IQGAP2: variants seen among roughly 807,000 people sequenced by gnomAD.
IQGAP2 encodes ras GTPase-activating-like protein IQGAP2.
A neutral mutation model predicts 201.3 loss-of-function variants in IQGAP2; 173 were observed. The ratio of observed to expected loss-of-function variants is 0.86; its 90% CI spans 0.76 to 0.98. The LOEUF is 0.98. IQGAP2 is among the 50% of genes least tolerant of loss of function. The pLI is 0.00. For synonymous variants in IQGAP2, 675 were observed against 673.9 expected (o/e 1.00, Z -0.03); for missense variants, 1,687 against 1,864.8 (o/e 0.90, Z 1.76).
intron 13 of IQGAP2, among the ~76,000 whole-genome samples, chr5:76,614,101 G>A (rs6859991): frequency 0.036 from 5,516 of 152,270 alleles, 186 homozygotes; most frequent in East Asian, 0.099. Flanking sequence ...CAGCCACATG[G>A]GGGTTTGTCT....
At chr5:76,511,754 C>T (rs1450337643) in intron 2 of IQGAP2, among the ~76,000 whole-genome samples, 1 of 151,434 alleles carries the variant, frequency 6.6e-6, no homozygotes, top group Non-Finnish European at 1.5e-5. Flanking sequence ...GATCTCGGCT[C>T]ACTGCAAGCT....
Position 76,553,139 on chromosome 5 carries a change from T to C in IQGAP2, c.147-9257T>C, listed in dbSNP as rs541789421. Among the ~76,000 whole-genome samples the C allele has an allele frequency of 1.5e-3, 221 of 152,332 alleles. 1 individual carries two copies. Among genetic ancestry groups the C allele is most frequent in the African/African-American group, 3.9e-3 (162 of 41,564 alleles). On this transcript the variant is annotated intron_variant, in intron 2 of 35. Coordinates refer to ENST00000274364, the MANE Select transcript of IQGAP2 (RefSeq NM_006633.5). ...ATGGAATCATGGTGGCAGTTTTGCA[T>C]TGGCCTCCAGCTAATGAAAAGTTTT...
intron 20 of IQGAP2, among the ~76,000 whole-genome samples, chr5:76,655,638 G>A (rs995940905): frequency 5.9e-5 from 9 of 152,142 alleles, no homozygotes; most frequent in South Asian, 4.2e-4. Flanking sequence ...CAGTACAGCC[G>A]GGGTTTCACC....
intron 33 of IQGAP2, chr5:76,699,290 C>A (rs1561607754): frequency 6.6e-6 from 1 of 152,186 alleles, no homozygotes; most frequent in Non-Finnish European, 1.5e-5. Context: ...CCCCAAATGT[C>A]AGAATTTCTT....
At chr5:76,466,448 T>TTTC (rs1754785531) in intron 2 of IQGAP2, among the ~76,000 whole-genome samples, 1 of 152,238 alleles carries the variant, frequency 6.6e-6, no homozygotes, top group Admixed American at 6.5e-5. Flanking sequence ...TTTCAAAACG[T>TTTC]ACTTACAAAG....
chr5:76,487,753 T>A (rs557035401), intron 2 of IQGAP2, among the ~76,000 whole-genome samples: 1 of 152,286 alleles, frequency 6.6e-6, no homozygotes, highest in Non-Finnish European at 1.5e-5. Flanking sequence ...AGACACTGCA[T>A]CTGTCTGTTC....
chr5:76,409,036 G>A (rs1000840143), intron 1 of IQGAP2, among the ~76,000 whole-genome samples: 7 of 151,826 alleles, frequency 4.6e-5, no homozygotes, highest in South Asian at 4.2e-4. Flanking sequence ...CAAGTGATCC[G>A]CCCGGCTCAG....
chr5:76,512,265 A>G (rs990730839), intron 2 of IQGAP2, among the ~76,000 whole-genome samples: 13 of 152,358 alleles, frequency 8.5e-5, no homozygotes, highest in African/African-American at 3.1e-4. Flanking sequence ...TTACTTGGGC[A>G]TCCAAAAACA....
intron 11 of IQGAP2, among the ~76,000 whole-genome samples, chr5:76,603,719 A>G (rs1056851978): frequency 5.3e-5 from 8 of 152,148 alleles, no homozygotes; most frequent in African/African-American, 1.4e-4. Flanking sequence ...CATGTTTTAC[A>G]TGTAGTAAGT....
At chr5:76,600,678 C>A in intron 10 of IQGAP2, 134 bp from the exon 11 acceptor site, 1 of 989,578 alleles carries the variant, frequency 1.0e-6, no homozygotes, top group Non-Finnish European at 1.5e-6. Context: ...AGCAGGTGGC[C>A]ACGACTCCTC....
chr5:76,501,730 C>T (rs573878240), intron 2 of IQGAP2, among the ~76,000 whole-genome samples: 223 of 150,410 alleles, frequency 1.5e-3, no homozygotes, highest in Non-Finnish European at 2.6e-3. Flanking sequence ...GCAACCTCCG[C>T]CTCCTGGGTT....
chr5:76,591,332 T>C (rs1200879792), intron 8 of IQGAP2, among the ~76,000 whole-genome samples: 1 of 149,714 alleles, frequency 6.7e-6, no homozygotes, highest in Non-Finnish European at 1.5e-5. Flanking sequence ...CTTCATATTT[T>C]CCCAATAGTC....
At chr5:76,405,380 G>A (rs114899971) in intron 1 of IQGAP2, among the ~76,000 whole-genome samples, 142 of 152,270 alleles carry the variant, frequency 9.3e-4, no homozygotes, top group African/African-American at 3.4e-3. Flanking sequence ...GTGTAAGGGG[G>A]TGGTGTGCCA....
At chr5:76,556,448 T>C (rs1451116935) in intron 2 of IQGAP2, among the ~76,000 whole-genome samples, 1 of 152,148 alleles carries the variant, frequency 6.6e-6, no homozygotes, top group Non-Finnish European at 1.5e-5. Context: ...GAAAATGATT[T>C]GGGGCTGCTT....
rs1751588493 is a variant in IQGAP2 at position 76,419,331 on chromosome 5, G to GC, written c.46+15740_46+15741insC. 2.6e-5 allele frequency among the ~76,000 whole-genome samples: 3 copies of GC among 117,118 alleles called. No homozygotes were observed. The Admixed American group carries it at 2.7e-4, about 11-fold the overall frequency. 76.8% of individuals were successfully genotyped at this position (117,118 alleles called of 152,430 possible). On this transcript the variant is annotated intron_variant, in intron 1 of 35. Transcript: ENST00000274364. The stretch of plus-strand genomic sequence containing the variant: ...TTGGTTGAGACAGGGTCTCACTAGG[G>GC]TTTTTTGTTTTGTTTTGTTTTGTTT...
chr5:76,626,253 C>CTTTTTTT (rs796870443), intron 13 of IQGAP2, among the ~76,000 whole-genome samples: 1 of 89,916 alleles, frequency 1.1e-5, no homozygotes, highest in African/African-American at 4.2e-5. Flanking sequence ...AATTCTTTTT[C>CTTTTTTT]TTTTTTTTCT....
chr5:76,427,707 T>C (rs1218665577), intron 1 of IQGAP2, among the ~76,000 whole-genome samples: 2 of 152,158 alleles, frequency 1.3e-5, no homozygotes, highest in East Asian at 3.9e-4. Context: ...AGACTGCATG[T>C]GTAACAAGCT....
At chr5:76,507,113 C>A (rs1757645243) in intron 2 of IQGAP2, among the ~76,000 whole-genome samples, 1 of 152,140 alleles carries the variant, frequency 6.6e-6, no homozygotes, top group Admixed American at 6.6e-5. Context: ...AACTTTAAGA[C>A]TTATTATAAA....
intron 2 of IQGAP2, among the ~76,000 whole-genome samples, chr5:76,535,842 TAC>T (rs1429883638): frequency 1.3e-5 from 2 of 152,160 alleles, no homozygotes; most frequent in Non-Finnish European, 2.9e-5. Flanking sequence ...CAATGTAAAT[TAC>T]AGAGAATGTC....
Sources: gnomAD v4.1 joint callset for allele counts (sites outside exome capture counted in the v4.1 genomes callset) on GRCh38, gnomAD v4.1.1 for gene constraint, MANE v1.5 for transcripts, NCBI Gene and HGNC (gene_info 2026-07-23, HGNC 2026-07-21) for gene names.